Variants in PIGK observed in about 807,000 individuals in gnomAD.
PIGK encodes the protein GPI-anchor transamidase.
A neutral mutation model predicts 50.6 loss-of-function variants in PIGK; 42 were observed. The ratio of observed to expected loss-of-function variants is 0.83; its 90% CI spans 0.65 to 1.07. The LOEUF (loss-of-function observed/expected upper bound fraction) is 1.07, where lower values mean the gene tolerates loss of function less well. PIGK is among the 50% of genes least tolerant of loss of function. The pLI, the probability that PIGK is intolerant of heterozygous loss-of-function variation, is 0.00. For missense variants in PIGK, 448 were observed against 488.7 expected, an observed-to-expected ratio of 0.92 and a Z score of 0.78; for synonymous variants, 151 against 156.0, an observed-to-expected ratio of 0.97 and a Z score of 0.24.
In PIGK at chr1:77,178,805, G is replaced by A. The variant is rs370309026; in HGVS notation, c.240-9410C>T. 2.2e-4 allele frequency among the ~76,000 whole-genome samples: 34 copies of A among 152,234 alleles called. No individual in the cohort carries two copies. In the East Asian group the frequency reaches 5.6e-3, roughly 25 times the overall value. On this transcript the variant is annotated intron_variant, in intron 3 of 10. Transcript: ENST00000370812. ...AATGTCAAATGGTCTCTCTTCAACT[G>A]GAATGACAAGAGCTGAAAGAAATGT...
intron 10 of PIGK, among the ~76,000 whole-genome samples, chr1:77,103,152 A>G (rs1653586821): frequency 6.6e-6 from 1 of 152,208 alleles, no homozygotes. Context: ...GAGGCATACA[A>G]TATCAGTTTG....
At chr1:77,161,162 A>G (rs555164282) in intron 8 of PIGK, 133 bp downstream of exon 8, 1 of 618,810 alleles carries the variant, frequency 1.6e-6, no homozygotes, top group East Asian at 2.8e-5. Context: ...TAAAAGGTAG[A>G]TATCAAATAG....
chr1:77,136,171 A>G (rs910988838), intron 9 of PIGK, among the ~76,000 whole-genome samples: 2 of 152,170 alleles, frequency 1.3e-5, no homozygotes, highest in Non-Finnish European at 2.9e-5. Flanking sequence ...AGCTAATAGT[A>G]ATTTTCTCTC....
intron 9 of PIGK, among the ~76,000 whole-genome samples, chr1:77,125,215 C>T (rs968897048): frequency 1.3e-5 from 2 of 152,066 alleles, no homozygotes; most frequent in African/African-American, 4.8e-5. Context: ...TTTTAAAATG[C>T]CATGTAGCTG....
In PIGK at chr1:77,207,256, G is replaced by A. The variant is rs553134721; in HGVS notation, c.148-525C>T. On this transcript the variant is annotated intron_variant, in intron 2 of 10. Coordinates refer to ENST00000370812, the MANE Select transcript of PIGK (RefSeq NM_005482.3). ...GATTTTAAAAAACCATTCAGCTTAA[G>A]AGAAAGCATATCTTTGGGAAATTAA... 3.9e-5 allele frequency among the ~76,000 whole-genome samples: 6 copies of A among 152,286 alleles called. No individual in the cohort carries two copies. In the South Asian group the frequency reaches 8.3e-4, roughly 21 times the overall value.
At chr1:77,102,001 T>C (rs1205252076) in intron 10 of PIGK, among the ~76,000 whole-genome samples, 1 of 152,104 alleles carries the variant, frequency 6.6e-6, no homozygotes, top group Non-Finnish European at 1.5e-5. Context: ...AGAATCCATC[T>C]CACACACAAA....
chr1:77,182,527 TAC>T (rs34396665), intron 3 of PIGK, among the ~76,000 whole-genome samples: 116,347 of 150,232 alleles, frequency 0.77, 45,235 homozygotes, highest in Non-Finnish European at 0.83. Flanking sequence ...TATCTATCTG[TAC>T]ACACACACAC....
chr1:77,121,924 T>C (rs1206955859), intron 10 of PIGK, among the ~76,000 whole-genome samples: 4 of 152,218 alleles, frequency 2.6e-5, no homozygotes. Flanking sequence ...AAAATTACTC[T>C]CAATGATATT....
chr1:77,176,205 A>C (rs1240619569), intron 3 of PIGK, among the ~76,000 whole-genome samples: 1 of 152,184 alleles, frequency 6.6e-6, no homozygotes, highest in Admixed American at 6.5e-5. Context: ...TTAAAACTCT[A>C]ACATGTTTGA....
intron 3 of PIGK, among the ~76,000 whole-genome samples, chr1:77,200,916 G>C (rs1656149476): frequency 6.6e-6 from 1 of 152,172 alleles, no homozygotes; most frequent in Non-Finnish European, 1.5e-5. Flanking sequence ...CACAGTCTCT[G>C]AATTATGGTG....
chr1:77,147,374 G>A (rs74092432), intron 9 of PIGK, among the ~76,000 whole-genome samples: 17,199 of 151,654 alleles, frequency 0.11, 1,329 homozygotes, highest in African/African-American at 0.21. Context: ...AGGAGGGAAC[G>A]GGAGGGGAGG....
At position 77,092,279 on chromosome 1, in the gene PIGK, T is replaced by C. The variant is rs970958318; in HGVS notation, c.*95A>G. ...TTAGTTTCCTTATACTTATTTCCAA[T>C]TCATACAAGAGAAACACATTTTTAA... is the stretch of plus-strand genomic sequence containing the variant. On this transcript the variant is annotated 3_prime_UTR_variant, in exon 11 of 11. Transcript: ENST00000370812. The C allele has an allele frequency of 3.8e-5, 23 of 598,300 alleles. No homozygotes were observed. The African/African-American group carries it at 4.4e-4, about 11-fold the overall frequency. 37.1% of individuals were successfully genotyped at this position (598,300 alleles called of 1,614,324 possible). A position where few individuals can be genotyped will look rare whatever the true frequency, so the allele number is the denominator to read the frequency against.
chr1:77,195,567 A>G (rs931627139), intron 3 of PIGK, among the ~76,000 whole-genome samples: 12 of 152,200 alleles, frequency 7.9e-5, no homozygotes, highest in African/African-American at 2.9e-4. Context: ...TTCTAGATAT[A>G]TCAACATTAA....
intron 3 of PIGK, among the ~76,000 whole-genome samples, chr1:77,189,740 TATATATATACAC>T (rs1557818981): frequency 2.4e-4 from 8 of 33,244 alleles, no homozygotes; most frequent in African/African-American, 7.8e-4. Flanking sequence ...TATATATATA[TATATATATACAC>T]ACACACACAC....
intron 3 of PIGK, among the ~76,000 whole-genome samples, chr1:77,181,483 C>A (rs546748080): frequency 1.3e-5 from 2 of 152,018 alleles, no homozygotes; most frequent in African/African-American, 2.4e-5. Context: ...TTAAACTGTT[C>A]GCTTAAAAAT....
At chr1:77,157,387 A>G (rs1022270399) in intron 8 of PIGK, among the ~76,000 whole-genome samples, 11 of 152,206 alleles carry the variant, frequency 7.2e-5, no homozygotes, top group African/African-American at 2.2e-4. Context: ...CTAAATAGCA[A>G]TTAAGAGCAA....
rs1165790936 is a variant in PIGK, at chr1:77,194,975, G to A, written c.239+11665C>T. On this transcript the variant is annotated intron_variant, in intron 3 of 10. Coordinates refer to ENST00000370812, the MANE Select transcript of PIGK (RefSeq NM_005482.3). ...ACTCCTGCTTAAGTGTGGAGCAGAG[G>A]ATCACGTGGAAGCAGTGAAAAAGCT... is the stretch of plus-strand genomic sequence containing the variant. 1.4e-5 allele frequency: 9 copies of A among 634,478 alleles called. No homozygotes were observed. In the East Asian group the frequency reaches 3.9e-4, roughly 27 times the overall value. The allele number at this position is 634,478 out of a possible 1,614,324, so 39.3% of individuals were successfully genotyped here. A position where few individuals can be genotyped will look rare whatever the true frequency, so the allele number is the denominator to read the frequency against.
intron 3 of PIGK, among the ~76,000 whole-genome samples, chr1:77,172,426 G>T (rs1336767163): frequency 6.6e-6 from 1 of 152,128 alleles, no homozygotes; most frequent in Non-Finnish European, 1.5e-5. Flanking sequence ...CCATGTGGCT[G>T]CATTGGAGTC....
chr1:77,197,790 T>C (rs1434595190), intron 3 of PIGK, among the ~76,000 whole-genome samples: 1 of 152,212 alleles, frequency 6.6e-6, no homozygotes, highest in Non-Finnish European at 1.5e-5. Context: ...CCCATCTAAG[T>C]TGTCATATTC....
Sources: allele counts gnomAD v4.1 joint callset (sites outside exome capture counted in the v4.1 genomes callset), GRCh38; gene constraint gnomAD v4.1.1; transcripts MANE v1.5; gene names NCBI Gene and HGNC (gene_info 2026-07-23, HGNC 2026-07-21).